PTBP1: variants seen among roughly 807,000 people sequenced by gnomAD.
The protein encoded by PTBP1 is polypyrimidine tract-binding protein 1.
Under a neutral mutation model 59.8 loss-of-function variants are expected in PTBP1, and 8 were observed. That is an observed-to-expected ratio of 0.13 (90% CI 0.08 to 0.24). The LOEUF (loss-of-function observed/expected upper bound fraction) is 0.24. Ranked by LOEUF, PTBP1 falls within the 10% of genes least tolerant of loss-of-function variation. The pLI, the probability that PTBP1 is intolerant of heterozygous loss-of-function variation, is 1.00. For missense variants in PTBP1, 686 were observed against 767.0 expected (o/e 0.89, Z 1.25); for synonymous variants, 490 against 320.7 (o/e 1.53, Z -5.64).
At position 803,603 on chromosome 19, in the gene PTBP1, C is replaced by G; in HGVS notation, c.82C>G (p.Pro28Ala). The G allele has an allele frequency of 6.2e-7, 1 of 1,614,184 alleles. No homozygotes were observed. Among genetic ancestry groups the G allele is most frequent in the Non-Finnish European group, 8.5e-7 (1 of 1,180,026 alleles). Residue 28 changes from proline (P) to alanine (A), a missense_variant, in exon 3 of 15, where the codon CCG becomes GCG. Physicochemically the swap from Pro to Ala is conservative, Grantham distance 27 (BLOSUM62 -1). Coordinates refer to ENST00000356948, the MANE Select transcript of PTBP1 (RefSeq NM_002819.5). ...TTTCTCTACTTGTGTCACTAACGGA[C>G]CGTTTATCATGAGCAGCAACTCGGC... ...ELFSTCVTNG[P>A]FIMSSNSASA...
Position 807,906 on chromosome 19 carries a change from T to C in PTBP1, c.1153+4T>C, listed in dbSNP as rs557450922. 1.2e-6 allele frequency: 2 copies of C among 1,611,518 alleles called. No homozygotes were observed. Among genetic ancestry groups the C allele is most frequent in the African/African-American group, 2.7e-5 (2 of 75,014 alleles). ...CAAAGCCTCTTTATTCTTTTCGGTA[T>C]GTTATCGTTCACACTTTTATTACCT... On this transcript the variant is annotated splice_donor_region_variant and intron_variant, in intron 11 of 14. Coordinates refer to ENST00000356948, the MANE Select transcript of PTBP1 (RefSeq NM_002819.5).
rs75366733 is a variant in PTBP1 at position 811,420 on chromosome 19, G to A, written c.*594G>A. The A allele has an allele frequency of 0.032, 4,916 of 152,602 alleles. 184 individuals are homozygous for A. Among genetic ancestry groups the A allele is most frequent in the East Asian group, 0.2 (1,038 of 5,184 alleles). The allele number at this position is 152,602 out of a possible 1,614,324, so 9.5% of individuals were successfully genotyped here. On this transcript the variant is annotated 3_prime_UTR_variant, in exon 15 of 15. Coordinates refer to ENST00000356948, the MANE Select transcript of PTBP1 (RefSeq NM_002819.5). Reference sequence around the variant, plus strand: ...CGCTGCTCCAGCTGCGGAGCTGGTCGACATAATCTCTGTATTATATACTTT... The same window carrying A: ...CGCTGCTCCAGCTGCGGAGCTGGTCAACATAATCTCTGTATTATATACTTT...
chr19:801,182 G>T (rs942416607), intron 2 of PTBP1, among the ~76,000 whole-genome samples: 2 of 152,200 alleles, frequency 1.3e-5, no homozygotes, highest in African/African-American at 4.8e-5. Context: ...GGCGTTTCCT[G>T]TCAATCTGTG....
intron 2 of PTBP1, among the ~76,000 whole-genome samples, chr19:802,655 G>C (rs1372981792): frequency 6.6e-6 from 1 of 152,200 alleles, no homozygotes; most frequent in African/African-American, 2.4e-5. Flanking sequence ...CAGACCAAGC[G>C]CCTGTGCTCC....
chr19:811,474 AT>A lies in PTBP1; in HGVS notation c.*651del, dbSNP rs1418375622. The A allele has an allele frequency of 6.6e-6, 1 of 152,488 alleles. No individual in the cohort carries two copies. Among genetic ancestry groups the A allele is most frequent in the Non-Finnish European group, 1.5e-5 (1 of 68,040 alleles). 9.4% of individuals were successfully genotyped at this position (152,488 alleles called of 1,614,324 possible). On this transcript the variant is annotated 3_prime_UTR_variant, in exon 15 of 15. Transcript: ENST00000356948. ...GTTGCAGACGTCTGTGCCTAGCAAT[AT>A]TTCCAGTTGACCAAATATTCTAATC... is the stretch of plus-strand genomic sequence containing the variant.
rs2034465683 is a variant in PTBP1, at chr19:804,347, C to T, written c.344C>T (p.Thr115Ile). The T allele has an allele frequency of 1.2e-6, 2 of 1,613,508 alleles. No individual in the cohort carries two copies. Among genetic ancestry groups the T allele is most frequent in the South Asian group, 1.1e-5 (1 of 91,074 alleles). ...GCCAACACCATGGTGAACTACTACA[C>T]CTCGGTGACCCCTGTGCTGCGCGGC... ...EAANTMVNYY[T>I]SVTPVLRGQP... Residue 115 changes from threonine (T) to isoleucine (I), a missense_variant, in exon 5 of 15, where the codon ACC becomes ATC. Transcript: ENST00000356948.
chr19:809,511 G>A (rs534386613), intron 13 of PTBP1, among the ~76,000 whole-genome samples: 9 of 151,914 alleles, frequency 5.9e-5, no homozygotes, highest in East Asian at 5.8e-4. Context: ...TAGTGGAAAC[G>A]GGGTTTCACT....
chr19:812,172 C>T lies in PTBP1; in HGVS notation c.*1346C>T, dbSNP rs1059714. On this transcript the variant is annotated 3_prime_UTR_variant, in exon 15 of 15. Transcript: ENST00000356948. Reference sequence around the variant, plus strand: ...CCCCACGCACATTCCGTTGCCTTACCCGATGGCTTGTGACGCGGAGAGAAC... The same window carrying T: ...CCCCACGCACATTCCGTTGCCTTACTCGATGGCTTGTGACGCGGAGAGAAC... The T allele has an allele frequency of 9.1e-3, 1,387 of 152,562 alleles. 9 individuals carry two copies. The highest frequency in any genetic ancestry group is 0.016 in the Non-Finnish European group (1,076 of 68,044). 9.5% of individuals were successfully genotyped at this position (152,562 alleles called of 1,614,324 possible).
Position 803,648 on chromosome 19 carries a change from A to C in PTBP1, c.115+12A>C, listed in dbSNP as rs377703313. 6 of 1,612,538 alleles carry C rather than the reference A, an allele frequency of 3.7e-6. No individual in the cohort carries two copies. In the African/African-American group the frequency reaches 8.0e-5, roughly 22 times the overall value. The stretch of plus-strand genomic sequence containing the variant: ...CTCGGCTTCTGCAGGTAAGGCCGGG[A>C]CTCGGCCCAGGGCAAGACCCGTGGG... On this transcript the variant is annotated intron_variant, in intron 3 of 14. Transcript: ENST00000356948.
chr19:803,511 G>A lies in PTBP1; in HGVS notation c.40-50G>A, dbSNP rs754795230. On this transcript the variant is annotated intron_variant, in intron 2 of 14. Coordinates refer to ENST00000356948, the MANE Select transcript of PTBP1 (RefSeq NM_002819.5). ...GCAGGGCCGGCCGGTGGGGAAGGGAGGCTCTGGCCTGGTGGGAAGTGCAGC... is the reference window on the plus strand; with the variant it reads ...GCAGGGCCGGCCGGTGGGGAAGGGAAGCTCTGGCCTGGTGGGAAGTGCAGC... 7 of 1,533,610 alleles carry A rather than the reference G, an allele frequency of 4.6e-6. No individual in the cohort carries two copies. The Admixed American group carries it at 1.0e-4, about 22-fold the overall frequency.
At position 804,219 on chromosome 19, in the gene PTBP1, C is replaced by T. The variant is rs201518451; in HGVS notation, c.288+11C>T. On this transcript the variant is annotated intron_variant, in intron 4 of 14. Coordinates refer to ENST00000356948, the MANE Select transcript of PTBP1 (RefSeq NM_002819.5). ...AAGGGGAAAAACCAGGTACCTGAGCCGCGTTTCTCCGGGGTGCTCACACCG... is the reference window on the plus strand; with the variant it reads ...AAGGGGAAAAACCAGGTACCTGAGCTGCGTTTCTCCGGGGTGCTCACACCG... 2.9e-5 allele frequency: 46 copies of T among 1,605,892 alleles called. No homozygotes were observed. The highest frequency in any genetic ancestry group is 3.3e-4 in the Middle Eastern group (2 of 6,006).
At chr19:809,412 G>A (rs2034747308) in intron 13 of PTBP1, among the ~76,000 whole-genome samples, 1 of 152,078 alleles carries the variant, frequency 6.6e-6, no homozygotes, top group East Asian at 1.9e-4. Context: ...TGCCTCCTGG[G>A]TTCATGCCAC....
chr19:801,282 TC>T lies in PTBP1; in HGVS notation c.39+1841del, dbSNP rs373795056. Among the ~76,000 whole-genome samples the T allele has an allele frequency of 2.5e-4, 38 of 152,312 alleles. No individual in the cohort carries two copies. The East Asian group carries it at 6.0e-3, about 24-fold the overall frequency. ...GGAGGCGCTAGGCCCAGCTCGTGTC[TC>T]CTGGTTGCTGCCCTGTGGAGCCTCG... On this transcript the variant is annotated intron_variant, in intron 2 of 14. Coordinates refer to ENST00000356948, the MANE Select transcript of PTBP1 (RefSeq NM_002819.5).
chr19:805,242 C>T (rs2034508810), intron 8 of PTBP1, 55 bp downstream of exon 8: 17 of 1,583,074 alleles, frequency 1.1e-5, no homozygotes, highest in East Asian at 2.2e-5. Flanking sequence ...TAGGGCCGCT[C>T]AGTCCGGAGC....
At position 811,545 on chromosome 19, in the gene PTBP1, A is replaced by G. The variant is rs2034875716; in HGVS notation, c.*719A>G. 1 of 152,484 alleles carries G rather than the reference A, an allele frequency of 6.6e-6. No homozygotes were observed. Among genetic ancestry groups the G allele is most frequent in the Non-Finnish European group, 1.5e-5 (1 of 68,046 alleles). 9.4% of individuals were successfully genotyped at this position (152,484 alleles called of 1,614,324 possible). On this transcript the variant is annotated 3_prime_UTR_variant, in exon 15 of 15. Transcript: ENST00000356948. The stretch of plus-strand genomic sequence containing the variant: ...AAGAAATAGTTTTAAGTAACTTTTT[A>G]TAGCAAGATGATACAATGGTATGAG...
intron 13 of PTBP1, among the ~76,000 whole-genome samples, chr19:809,858 A>G (rs1438337502): frequency 1.3e-5 from 2 of 152,140 alleles, no homozygotes; most frequent in East Asian, 3.8e-4. Context: ...CTGTGATTGC[A>G]CTGCCAGACT....
At chr19:800,645 ACTGCTGTCTTTACGCGCTGC>A (rs1157810749) in intron 2 of PTBP1, among the ~76,000 whole-genome samples, 2 of 152,170 alleles carry the variant, frequency 1.3e-5, no homozygotes, top group East Asian at 3.9e-4. Context: ...TCCCAAGTGG[ACTGCTGTCTTTACGCGCTGC>A]CTGCCCCGAT....
At chr19:801,064 G>C (rs2034310676) in intron 2 of PTBP1, among the ~76,000 whole-genome samples, 1 of 140,604 alleles carries the variant, frequency 7.1e-6, no homozygotes, top group Admixed American at 7.3e-5. Flanking sequence ...GCCCACACCT[G>C]GCTACGCTGT....
intron 2 of PTBP1, among the ~76,000 whole-genome samples, chr19:802,031 G>T (rs974691954): frequency 6.6e-6 from 1 of 152,156 alleles, no homozygotes; most frequent in African/African-American, 2.4e-5. Flanking sequence ...GGTGGGCGCC[G>T]GGCCTGTGGA....
Sources: allele counts gnomAD v4.1 joint callset (sites outside exome capture counted in the v4.1 genomes callset), GRCh38; gene constraint gnomAD v4.1.1; transcripts MANE v1.5; gene names NCBI Gene and HGNC (gene_info 2026-07-23, HGNC 2026-07-21).